The following RBFOX3 variants were observed in gnomAD, a reference collection of about 807,000 sequenced individuals.
RBFOX3 encodes RNA binding fox-1 homolog 3.
Under a neutral mutation model 48.7 loss-of-function variants are expected in RBFOX3, and 17 were observed. The observed-to-expected ratio is 0.35, with a 90% CI of 0.24 to 0.52. The LOEUF (loss-of-function observed/expected upper bound fraction) is 0.52. Among genes scored for constraint, RBFOX3 ranks in the 20% least tolerant of loss-of-function variants. The pLI is 0.94. For synonymous variants in RBFOX3, 212 were observed against 209.5 expected (o/e 1.01, Z -0.10); for missense variants, 382 against 497.5 (o/e 0.77, Z 2.21).
At chr17:79,231,041 G>T (rs1012957529) in intron 4 of RBFOX3, among the ~76,000 whole-genome samples, 4 of 152,158 alleles carry the variant, frequency 2.6e-5, no homozygotes, top group African/African-American at 7.2e-5. Flanking sequence ...GAGCTGCACA[G>T]TCGTCCCAGC....
the RBFOX3 span, among the ~76,000 whole-genome samples, chr17:79,646,948 G>C: frequency 1.3e-5 from 2 of 152,158 alleles, no homozygotes. Flanking sequence ...AGAGAGGATG[G>C]CCCAGTGTAC....
intron 1 of RBFOX3, among the ~76,000 whole-genome samples, chr17:79,496,908 G>C (rs896306310): frequency 3.3e-5 from 5 of 152,228 alleles, no homozygotes; most frequent in African/African-American, 1.2e-4. Context: ...ATCTTCCTGA[G>C]TGATTTGGGT....
In RBFOX3 at chr17:79,204,647, A is replaced by C. The variant is rs1220249701; in HGVS notation, c.-34+31119T>G. On this transcript the variant is annotated intron_variant, in intron 4 of 14. Transcript: ENST00000693108. The surrounding 1 kb of genome is among the most constrained non-coding windows in gnomAD (Gnocchi z 4.5). ...GGACATTCCCTCCACTAAGGCAATA[A>C]AAAATGCAATTCTGGGGTGGGGGAC... is the stretch of plus-strand genomic sequence containing the variant. Among the ~76,000 whole-genome samples the C allele has an allele frequency of 6.6e-6, 1 of 152,118 alleles. No homozygotes were observed. The highest frequency in any genetic ancestry group is 2.4e-5 in the African/African-American group (1 of 41,392).
Position 79,442,300 on chromosome 17 carries a change from AGAGG to A in RBFOX3, c.-175+40150_-175+40153del, listed in dbSNP as rs145662077. 3.6e-4 allele frequency among the ~76,000 whole-genome samples: 5 copies of A among 14,082 alleles called. No homozygotes were observed. The East Asian group carries it at 0.011, about 32-fold the overall frequency. 9.2% of individuals were successfully genotyped at this position (14,082 alleles called of 152,430 possible). A position where few individuals can be genotyped will look rare whatever the true frequency, so the allele number is the denominator to read the frequency against. ...GAGAGAGGGAGAGAGGGAGGGAGAGAGAGGGAGAGAGAGGGAGTGAGGGAGGGAG... is the reference window on the plus strand; with the variant it reads ...GAGAGAGGGAGAGAGGGAGGGAGAGAGAGAGAGAGGGAGTGAGGGAGGGAG... On this transcript the variant is annotated intron_variant, in intron 2 of 14. Transcript: ENST00000693108.
At chr17:79,642,992 C>T in the RBFOX3 span, among the ~76,000 whole-genome samples, 2 of 152,280 alleles carry the variant, frequency 1.3e-5, no homozygotes, top group South Asian at 4.1e-4. Flanking sequence ...GTCTCAGCTA[C>T]TCAGGAGGCT....
intron 14 of RBFOX3, among the ~76,000 whole-genome samples, chr17:79,094,073 G>C (rs1424900238): frequency 2.0e-5 from 3 of 152,172 alleles, no homozygotes. Flanking sequence ...CGGGGCCTTG[G>C]GAGCCTCTGC....
At chr17:79,439,266 C>A (rs2070297647) in intron 2 of RBFOX3, among the ~76,000 whole-genome samples, 1 of 152,236 alleles carries the variant, frequency 6.6e-6, no homozygotes, top group Non-Finnish European at 1.5e-5. Flanking sequence ...GCACCCCGCT[C>A]CCCAGCCCCT....
At chr17:79,187,928 C>T (rs2053743260) in intron 4 of RBFOX3, among the ~76,000 whole-genome samples, 1 of 152,158 alleles carries the variant, frequency 6.6e-6, no homozygotes, top group Non-Finnish European at 1.5e-5. Flanking sequence ...ATGGGAAACT[C>T]GTCAGCCTTT....
chr17:79,091,927 G>T lies in RBFOX3; in HGVS notation c.1078-1042C>A, dbSNP rs1346894868. ...AGTTTGCACACCACGCGACACGCTT[G>T]TGACTACGTCGGCAAGAAATATCGT... On this transcript the variant is annotated intron_variant, in intron 14 of 14. Coordinates refer to ENST00000693108, the MANE Select transcript of RBFOX3 (RefSeq NM_001350451.2). 4.1e-6 allele frequency: 4 copies of T among 981,798 alleles called. No individual in the cohort carries two copies. In the African/African-American group the frequency reaches 7.0e-5, roughly 17 times the overall value. 60.8% of individuals were successfully genotyped at this position (981,798 alleles called of 1,614,324 possible).
At chr17:79,149,779 C>A (rs975319186) in intron 4 of RBFOX3, among the ~76,000 whole-genome samples, 1 of 151,208 alleles carries the variant, frequency 6.6e-6, no homozygotes, top group Admixed American at 6.6e-5. Flanking sequence ...CAGGGCAGGG[C>A]GGCTGCTGGG....
intron 2 of RBFOX3, among the ~76,000 whole-genome samples, chr17:79,456,191 C>T (rs1253288090): frequency 6.6e-6 from 1 of 152,242 alleles, no homozygotes; most frequent in African/African-American, 2.4e-5. Context: ...TCCTCTCTCA[C>T]GCAGTCTTTC....
At chr17:79,500,850 G>A (rs1012347803) in intron 1 of RBFOX3, among the ~76,000 whole-genome samples, 19 of 152,218 alleles carry the variant, frequency 1.2e-4, no homozygotes, top group Non-Finnish European at 2.4e-4. Context: ...GCCAGGCTTG[G>A]AGATGCAGAC....
chr17:79,596,240 G>A (rs1400581750), intron 1 of RBFOX3, among the ~76,000 whole-genome samples: 2 of 152,220 alleles, frequency 1.3e-5, no homozygotes, highest in Non-Finnish European at 2.9e-5. Flanking sequence ...AGGGGAAGAA[G>A]CTCCTGGGGC....
intron 1 of RBFOX3, among the ~76,000 whole-genome samples, chr17:79,495,072 G>T (rs1347268428): frequency 6.6e-6 from 1 of 152,036 alleles, no homozygotes; most frequent in Non-Finnish European, 1.5e-5. Flanking sequence ...CCCCATGCGT[G>T]CTTCCCCAGG....
chr17:79,306,445 C>T (rs1435313357), intron 3 of RBFOX3, among the ~76,000 whole-genome samples: 1 of 152,258 alleles, frequency 6.6e-6, no homozygotes, highest in East Asian at 1.9e-4. Context: ...TGCCAGCCTA[C>T]CCTGGCACAC....
In RBFOX3 at chr17:79,204,600, CTG is replaced by C. The variant is rs959957287; in HGVS notation, c.-34+31164_-34+31165del. On this transcript the variant is annotated intron_variant, in intron 4 of 14. Transcript: ENST00000693108. The surrounding 1 kb of genome is among the most constrained non-coding windows in gnomAD (Gnocchi z 4.5). ...TGAACAGAGAACCCACTAGATGACT[CTG>C]TGTCCCAGAAGGGTATGGGGGACAT... is the stretch of plus-strand genomic sequence containing the variant. Among the ~76,000 whole-genome samples the C allele has an allele frequency of 6.6e-6, 1 of 152,148 alleles. No individual in the cohort carries two copies. The highest frequency in any genetic ancestry group is 1.5e-5 in the Non-Finnish European group (1 of 68,010).
At chr17:79,530,551 A>G (rs1421412097) in intron 1 of RBFOX3, among the ~76,000 whole-genome samples, 1 of 152,144 alleles carries the variant, frequency 6.6e-6, no homozygotes, top group Non-Finnish European at 1.5e-5. Flanking sequence ...ATTCAGCACC[A>G]AGAGGCAGCC....
intron 1 of RBFOX3, among the ~76,000 whole-genome samples, chr17:79,547,231 G>A (rs956339399): frequency 6.6e-6 from 1 of 151,978 alleles, no homozygotes; most frequent in South Asian, 2.1e-4. Context: ...GGTGGATCAC[G>A]AGGTCAAGAG....
chr17:79,095,924 G>A (rs912314502), intron 12 of RBFOX3, among the ~76,000 whole-genome samples: 2 of 152,212 alleles, frequency 1.3e-5, no homozygotes, highest in African/African-American at 4.8e-5. Context: ...GCTAGGCCTT[G>A]GCAAGGAAGA....
Sources: gnomAD v4.1 joint callset for allele counts (sites outside exome capture counted in the v4.1 genomes callset) on GRCh38, gnomAD v4.1.1 for gene constraint, Gnocchi (gnomAD v3.1) non-coding constraint, MANE v1.5 for transcripts, NCBI Gene and HGNC (gene_info 2026-07-23, HGNC 2026-07-21) for gene names.